BLTP3B: variants seen among roughly 807,000 people sequenced by gnomAD.
The protein encoded by BLTP3B is bridge-like lipid transfer protein family member 3B, also known as UHRF1 (ICBP90) binding protein 1-like.
the BLTP3B span, among the ~76,000 whole-genome samples, chr12:100,049,250 A>T: frequency 1.3e-5 from 2 of 152,222 alleles, no homozygotes; most frequent in Non-Finnish European, 2.9e-5. Flanking sequence ...ATAACCTTTA[A>T]GATAAAAACA....
At chr12:100,052,042 TAAA>T in the BLTP3B span, among the ~76,000 whole-genome samples, 1 of 137,956 alleles carries the variant, frequency 7.2e-6, no homozygotes, top group Non-Finnish European at 1.6e-5. Context: ...AGACCCCATC[TAAA>T]AAAAAAAAAA....
the BLTP3B span, among the ~76,000 whole-genome samples, chr12:100,061,978 G>T: frequency 6.6e-6 from 1 of 152,180 alleles, no homozygotes; most frequent in Non-Finnish European, 1.5e-5. Flanking sequence ...ACGGTAAAAT[G>T]AGTTCACTGG....
chr12:100,127,615 T>C, the BLTP3B span, among the ~76,000 whole-genome samples: 1 of 152,248 alleles, frequency 6.6e-6, no homozygotes, highest in Non-Finnish European at 1.5e-5. Context: ...CAGCACCATT[T>C]CCAATAACCT....
chr12:100,083,845 C>G, the BLTP3B span, among the ~76,000 whole-genome samples: 1 of 152,090 alleles, frequency 6.6e-6, no homozygotes, highest in Non-Finnish European at 1.5e-5. Flanking sequence ...GGTCCACAAG[C>G]CTATGTTGGT....
At chr12:100,041,567 G>C in the BLTP3B span, among the ~76,000 whole-genome samples, 2 of 150,752 alleles carry the variant, frequency 1.3e-5, no homozygotes, top group Non-Finnish European at 2.9e-5. Context: ...CTCCCGAGTA[G>C]CTGGGACTAC....
the BLTP3B span, among the ~76,000 whole-genome samples, chr12:100,104,204 C>CTTTTTTTCTTTTTTTTT: frequency 2.3e-5 from 3 of 131,654 alleles, no homozygotes; most frequent in East Asian, 2.2e-4. Flanking sequence ...TTCTTTTTTT[C>CTTTTTTTCTTTTTTTTT]TTTTTTTTTT....
chr12:100,047,193 G>A, the BLTP3B span, among the ~76,000 whole-genome samples: 1 of 152,148 alleles, frequency 6.6e-6, no homozygotes, highest in African/African-American at 2.4e-5. Context: ...TTGAGTAGGT[G>A]TTCATTTAAA....
the BLTP3B span, chr12:100,057,886 T>C: frequency 7.7e-7 from 1 of 1,298,408 alleles, no homozygotes; most frequent in Non-Finnish European, 1.0e-6. Context: ...AGTGTTTTCA[T>C]ATTTTGAAAC....
chr12:100,089,827 G>A, the BLTP3B span, among the ~76,000 whole-genome samples: 9 of 152,262 alleles, frequency 5.9e-5, no homozygotes, highest in Admixed American at 5.9e-4. Flanking sequence ...CATCTTGAAT[G>A]GTAGTCCCAC....
At chr12:100,129,281 A>AG in the BLTP3B span, among the ~76,000 whole-genome samples, 1 of 152,204 alleles carries the variant, frequency 6.6e-6, no homozygotes, top group Non-Finnish European at 1.5e-5. Flanking sequence ...TAGTATTCAT[A>AG]GTGGGGGGAG....
At chr12:100,037,100 A>C in the BLTP3B span, 33 of 891,808 alleles carry the variant, frequency 3.7e-5, no homozygotes, top group Non-Finnish European at 4.0e-5. Context: ...TATATAGTTT[A>C]TTGATCTGCT....
the BLTP3B span, among the ~76,000 whole-genome samples, chr12:100,079,733 G>C: frequency 6.6e-6 from 1 of 152,200 alleles, no homozygotes; most frequent in Non-Finnish European, 1.5e-5. Context: ...ATCTCCCAGG[G>C]AATGTCAGAG....
the BLTP3B span, chr12:100,142,779 A>C: frequency 1.6e-6 from 2 of 1,262,470 alleles, no homozygotes; most frequent in East Asian, 5.9e-5. Context: ...GGCCCCGGCC[A>C]AGGCCACAGC....
the BLTP3B span, among the ~76,000 whole-genome samples, chr12:100,135,884 G>C: frequency 6.6e-6 from 1 of 152,074 alleles, no homozygotes; most frequent in Non-Finnish European, 1.5e-5. Flanking sequence ...AGTACATACA[G>C]TGTCAAAATC....
At chr12:100,095,171 A>C in the BLTP3B span, among the ~76,000 whole-genome samples, 1 of 152,200 alleles carries the variant, frequency 6.6e-6, no homozygotes, top group Non-Finnish European at 1.5e-5. Flanking sequence ...TGCTCCATAC[A>C]AACTAATAAT....
At chr12:100,111,265 G>C in the BLTP3B span, among the ~76,000 whole-genome samples, 1 of 149,540 alleles carries the variant, frequency 6.7e-6, no homozygotes, top group Admixed American at 6.7e-5. Context: ...CCTATGGCTG[G>C]TGGGGTTTTA....
At chr12:100,053,585 A>G in the BLTP3B span, among the ~76,000 whole-genome samples, 1 of 152,194 alleles carries the variant, frequency 6.6e-6, no homozygotes, top group Non-Finnish European at 1.5e-5. Context: ...ATGCACATAC[A>G]TATCTTTTTG....
chr12:100,042,707 C>T, the BLTP3B span, among the ~76,000 whole-genome samples: 1 of 152,218 alleles, frequency 6.6e-6, no homozygotes, highest in Admixed American at 6.5e-5. Flanking sequence ...ACAACCATGG[C>T]TGTCATCAGT....
At chr12:100,049,419 G>T in the BLTP3B span, among the ~76,000 whole-genome samples, 7 of 152,134 alleles carry the variant, frequency 4.6e-5, no homozygotes, top group Admixed American at 4.6e-4. Flanking sequence ...GGTGTGACTA[G>T]TCTTAAACAG....
Sources: allele counts gnomAD v4.1 joint callset (sites outside exome capture counted in the v4.1 genomes callset), GRCh38; gene constraint gnomAD v4.1.1; transcripts MANE v1.5; gene names NCBI Gene and HGNC (gene_info 2026-07-23, HGNC 2026-07-21).